IDO2: variants seen among roughly 807,000 people sequenced by gnomAD.
The protein encoded by IDO2 is indoleamine 2,3-dioxygenase 2, also known as indoleamine 2,3-dioxygenase-like 1 protein.
Under a neutral mutation model 45.1 loss-of-function variants are expected in IDO2, and 46 were observed. The observed-to-expected ratio is 1.02, with a 90% confidence interval of 0.80 to 1.30. IDO2 has a LOEUF of 1.30. Among genes scored for constraint, IDO2 ranks in the 50% most tolerant of loss-of-function variants. The probability of loss-of-function intolerance (pLI) is 0.00; values close to 1 mark genes in which losing one functional copy is unlikely to be tolerated. For synonymous variants in IDO2, 218 were observed against 184.9 expected, an observed-to-expected ratio of 1.18 and a Z score of -1.45; for missense variants, 544 against 491.8, an observed-to-expected ratio of 1.11 and a Z score of -1.00.
In IDO2 at chr8:40,012,809, C is replaced by A. The variant is rs146617392; in HGVS notation, c.720-756C>A. ...GAACAGCTGCTTCACAGAGCATGGCCGGCAGCCCAGTCCCAGCCTTTCTGC... is the reference window on the plus strand; with the variant it reads ...GAACAGCTGCTTCACAGAGCATGGCAGGCAGCCCAGTCCCAGCCTTTCTGC... On this transcript the variant is annotated intron_variant, in intron 9 of 10. Transcript: ENST00000502986. Among the ~76,000 whole-genome samples, 754 of 152,198 alleles carry A rather than the reference C, an allele frequency of 5.0e-3. 5 individuals are homozygous for A. The highest frequency in any genetic ancestry group is 9.8e-3 in the Admixed American group (150 of 15,282).
chr8:39,959,110 GA>G (rs773849855), intron 2 of IDO2, among the ~76,000 whole-genome samples: 1 of 138,462 alleles, frequency 7.2e-6, no homozygotes, highest in African/African-American at 2.7e-5. Flanking sequence ...TTAATCTGTA[GA>G]TTTTTTTTTT....
exon 11 of IDO2, chr8:40,015,928 T>TA: frequency 2.8e-6 from 1 of 361,346 alleles, no homozygotes; most frequent in Non-Finnish European, 4.9e-6. Flanking sequence ...AAAAATCAGA[T>TA]AAAATTGCCT....
At chr8:39,957,620 G>C (rs533422056) in intron 2 of IDO2, among the ~76,000 whole-genome samples, 20 of 151,978 alleles carry the variant, frequency 1.3e-4, no homozygotes, top group African/African-American at 4.8e-4. Context: ...TCTAAAAAAC[G>C]TAAAATGAAA....
intron 1 of IDO2, among the ~76,000 whole-genome samples, chr8:39,936,625 G>A (rs1585390836): frequency 6.6e-6 from 1 of 152,150 alleles, no homozygotes; most frequent in South Asian, 2.1e-4. Context: ...TTTGCTTAAC[G>A]GCAGGATTTA....
intron 3 of IDO2, among the ~76,000 whole-genome samples, chr8:39,964,288 G>C (rs1808048963): frequency 6.6e-6 from 1 of 152,124 alleles, no homozygotes; most frequent in Non-Finnish European, 1.5e-5. Flanking sequence ...CAACCTAATA[G>C]CTATGTAACC....
At chr8:39,963,621 A>T in exon 3 of IDO2, 3 of 1,603,400 alleles carry the variant, frequency 1.9e-6, no homozygotes, top group Non-Finnish European at 2.6e-6. Context: ...GAACTTCCAG[A>T]TCATTATAGG....
chr8:39,940,929 G>A (rs1438438124), intron 1 of IDO2, among the ~76,000 whole-genome samples: 19 of 138,538 alleles, frequency 1.4e-4, no homozygotes, highest in South Asian at 2.3e-4. Context: ...AAATAAAATT[G>A]AAAAAAAAAA....
rs1291320886 is a variant in IDO2 at position 40,004,525 on chromosome 8, T to G, written c.668-802T>G. On this transcript the variant is annotated intron_variant, in intron 8 of 10. Transcript: ENST00000502986. ...GATGTAGACAGATTAGACAGACAGA[T>G]GATAGATAGATAGATAGATAGATAG... is the stretch of plus-strand genomic sequence containing the variant. Among the ~76,000 whole-genome samples the G allele has an allele frequency of 2.1e-5, 3 of 144,398 alleles. No homozygotes were observed. In the East Asian group the frequency reaches 6.1e-4, roughly 29 times the overall value. 94.7% of individuals were successfully genotyped at this position (144,398 alleles called of 152,430 possible).
At chr8:39,971,086 A>C (rs1189596837) in intron 3 of IDO2, among the ~76,000 whole-genome samples, 1 of 152,068 alleles carries the variant, frequency 6.6e-6, no homozygotes, top group Non-Finnish European at 1.5e-5. Context: ...AGTTAGAAAA[A>C]AGTCAATGCC....
chr8:39,962,130 T>C (rs1473773468), intron 2 of IDO2, among the ~76,000 whole-genome samples: 1 of 152,140 alleles, frequency 6.6e-6, no homozygotes, highest in African/African-American at 2.4e-5. Context: ...GGGTGAGAGT[T>C]GGGGGTCACT....
chr8:39,935,261 T>G (rs374745206), intron 1 of IDO2, 43 bp downstream of exon 1: 1 of 1,507,982 alleles, frequency 6.6e-7, no homozygotes, highest in Non-Finnish European at 9.2e-7. Flanking sequence ...GTATGCATAA[T>G]GTAAACATCA....
At chr8:39,982,631 G>T (rs1008442316) in intron 4 of IDO2, 21 bp from the exon 5 acceptor site, 12 of 1,481,138 alleles carry the variant, frequency 8.1e-6, no homozygotes, top group Non-Finnish European at 1.0e-5. Context: ...TATGCTATTT[G>T]TCTGGATTTA....
chr8:39,971,265 A>T (rs1222586123), intron 3 of IDO2, among the ~76,000 whole-genome samples: 1 of 152,312 alleles, frequency 6.6e-6, no homozygotes, highest in South Asian at 2.1e-4. Flanking sequence ...GGATGATGGC[A>T]TATCTATTTA....
intron 3 of IDO2, among the ~76,000 whole-genome samples, chr8:39,969,699 ACT>A (rs1160781299): frequency 6.6e-6 from 1 of 152,136 alleles, no homozygotes; most frequent in Non-Finnish European, 1.5e-5. Flanking sequence ...ACATGGCGAA[ACT>A]CTGTCTTGAC....
intron 8 of IDO2, among the ~76,000 whole-genome samples, chr8:40,003,517 G>A (rs1802172293): frequency 1.3e-5 from 2 of 151,864 alleles, no homozygotes; most frequent in African/African-American, 2.4e-5. Context: ...TATGGTGTCT[G>A]TCTATTTACC....
rs61354300 is a variant in IDO2, at chr8:39,991,565, C to CTTT, written c.667+1746_667+1748dup. ...CTAGGGCTCACTTTCAGACTCACTT[C>CTTT]TTTTTTTTTTTTTTTTTTTTTGTGA... On this transcript the variant is annotated intron_variant, in intron 8 of 10. Coordinates refer to ENST00000502986, the Ensembl canonical transcript of IDO2. Among the ~76,000 whole-genome samples, 697 of 103,264 alleles carry CTTT rather than the reference C, an allele frequency of 6.7e-3. 2 individuals carry two copies. The highest frequency in any genetic ancestry group is 9.1e-3 in the East Asian group (33 of 3,638). 67.7% of individuals were successfully genotyped at this position (103,264 alleles called of 152,430 possible).
chr8:39,943,735 C>CA (rs61643070), intron 1 of IDO2, among the ~76,000 whole-genome samples: 1,141 of 88,790 alleles, frequency 0.013, 7 homozygotes, highest in African/African-American at 0.033. Flanking sequence ...GACTCCATCT[C>CA]AAAAAAAAAA....
At chr8:39,968,684 G>A (rs1323997967) in intron 3 of IDO2, among the ~76,000 whole-genome samples, 1 of 151,900 alleles carries the variant, frequency 6.6e-6, no homozygotes, top group Non-Finnish European at 1.5e-5. Context: ...CACAGAGAGG[G>A]GAACATCACA....
chr8:39,999,101 T>C (rs998596631), intron 8 of IDO2, among the ~76,000 whole-genome samples: 2 of 152,144 alleles, frequency 1.3e-5, no homozygotes, highest in Admixed American at 6.5e-5. Flanking sequence ...TGCTAGCAGC[T>C]ATATTCTTTT....
Sources: gnomAD v4.1 joint callset for allele counts (sites outside exome capture counted in the v4.1 genomes callset) on GRCh38, gnomAD v4.1.1 for gene constraint, MANE v1.5 for transcripts, NCBI Gene and HGNC (gene_info 2026-07-23, HGNC 2026-07-21) for gene names.